THSD4: variants seen among roughly 807,000 people sequenced by gnomAD.
THSD4 encodes the protein thrombospondin type 1 domain containing 4.
THSD4 carries 69 observed loss-of-function variants against 119.0 expected under a neutral mutation model. The observed-to-expected ratio is 0.58, with a 90% CI of 0.48 to 0.71. THSD4 has a LOEUF of 0.71. Ranked by LOEUF, THSD4 falls within the 30% of genes least tolerant of loss-of-function variation. The pLI, the probability that THSD4 is intolerant of heterozygous loss-of-function variation, is 0.00. For synonymous variants in THSD4, 524 were observed against 540.4 expected (o/e 0.97, Z 0.42); for missense variants, 1,393 against 1,391.1 (o/e 1.00, Z -0.02).
chr15:71,611,827 A>C (rs1161226029), intron 7 of THSD4, among the ~76,000 whole-genome samples: 2 of 152,220 alleles, frequency 1.3e-5, no homozygotes, highest in African/African-American at 4.8e-5. Context: ...GACAGGATTA[A>C]GGAACAGAGA....
At chr15:71,199,721 GT>G (rs2043769081) in intron 3 of THSD4, among the ~76,000 whole-genome samples, 1 of 149,626 alleles carries the variant, frequency 6.7e-6, no homozygotes, top group Non-Finnish European at 1.5e-5. Flanking sequence ...TGTGGTGTGT[GT>G]GTGTAGTGTG....
rs199762643 is a variant in THSD4, at chr15:71,523,446, CATT to C, written c.1152+111626_1152+111628del. 1.2e-4 allele frequency among the ~76,000 whole-genome samples: 19 copies of C among 152,342 alleles called. No homozygotes were observed. The East Asian group carries it at 3.5e-3, about 28-fold the overall frequency. On this transcript the variant is annotated intron_variant, in intron 7 of 17. Transcript: ENST00000261862. Reference sequence around the variant, plus strand: ...CCACCTGGACAATCCAGGATGACCTCATTATGAGATCCTTAGTCACATCTGCAA... The same window carrying C: ...CCACCTGGACAATCCAGGATGACCTCATGAGATCCTTAGTCACATCTGCAA...
intron 3 of THSD4, among the ~76,000 whole-genome samples, chr15:71,195,855 T>C (rs375988986): frequency 3.9e-5 from 6 of 152,182 alleles, no homozygotes; most frequent in African/African-American, 1.4e-4. Context: ...CAATGTGATA[T>C]CTGTCATATT....
chr15:71,437,953 C>T (rs1277263083), intron 7 of THSD4, among the ~76,000 whole-genome samples: 1 of 152,202 alleles, frequency 6.6e-6, no homozygotes, highest in Non-Finnish European at 1.5e-5. Context: ...TGAGCTCAAG[C>T]ATCTTTTCAC....
At chr15:71,555,842 A>G (rs937012560) in intron 7 of THSD4, among the ~76,000 whole-genome samples, 1 of 152,152 alleles carries the variant, frequency 6.6e-6, no homozygotes, top group African/African-American at 2.4e-5. Context: ...ATTTTTCATT[A>G]AGGGATCTAA....
chr15:71,262,971 T>C (rs2044418541), intron 6 of THSD4, among the ~76,000 whole-genome samples: 1 of 152,130 alleles, frequency 6.6e-6, no homozygotes. Flanking sequence ...CTAACTTTTA[T>C]TTTAAGTTCA....
intron 8 of THSD4, among the ~76,000 whole-genome samples, chr15:71,684,570 CGTTA>C (rs991119660): frequency 1.3e-5 from 2 of 150,652 alleles, no homozygotes; most frequent in African/African-American, 4.9e-5. Context: ...CACCTACTTA[CGTTA>C]TTTTTTCTTT....
intron 5 of THSD4, among the ~76,000 whole-genome samples, chr15:71,253,181 C>A (rs568995149): frequency 5.6e-4 from 86 of 152,318 alleles, no homozygotes; most frequent in African/African-American, 2.1e-3. Context: ...TTAAGCTTTT[C>A]TGCCTTAGAT....
intron 6 of THSD4, among the ~76,000 whole-genome samples, chr15:71,371,777 G>T (rs1219620696): frequency 6.6e-6 from 1 of 152,096 alleles, no homozygotes; most frequent in Non-Finnish European, 1.5e-5. Context: ...TCTTCTCGAG[G>T]AGTATCTTTG....
chr15:71,174,912 C>A (rs921711000), intron 3 of THSD4, among the ~76,000 whole-genome samples: 2 of 151,266 alleles, frequency 1.3e-5, no homozygotes, highest in African/African-American at 4.8e-5. Context: ...TCCAACAGAC[C>A]TGCAGCTGAG....
chr15:71,679,006 T>C (rs1288913304), intron 8 of THSD4, among the ~76,000 whole-genome samples: 1 of 152,214 alleles, frequency 6.6e-6, no homozygotes, highest in Non-Finnish European at 1.5e-5. Flanking sequence ...TTTTCTTTCT[T>C]TGATTAAAGA....
chr15:71,271,645 A>G (rs970934338), intron 6 of THSD4, among the ~76,000 whole-genome samples: 1 of 152,184 alleles, frequency 6.6e-6, no homozygotes, highest in Non-Finnish European at 1.5e-5. Flanking sequence ...TTAAAACCTT[A>G]TGATTCTCTT....
intron 7 of THSD4, among the ~76,000 whole-genome samples, chr15:71,618,355 A>G (rs923623373): frequency 3.3e-5 from 5 of 152,248 alleles, no homozygotes; most frequent in Non-Finnish European, 4.4e-5. Context: ...ACACTTTAAC[A>G]GCAGTTAAAA....
intron 7 of THSD4, among the ~76,000 whole-genome samples, chr15:71,621,787 T>G (rs2050422924): frequency 6.6e-6 from 1 of 152,254 alleles, no homozygotes; most frequent in Non-Finnish European, 1.5e-5. Flanking sequence ...GTGCTCTAGA[T>G]AAATGGAACT....
chr15:71,396,263 G>C (rs78658947), intron 6 of THSD4, among the ~76,000 whole-genome samples: 2,726 of 151,162 alleles, frequency 0.018, 39 homozygotes, highest in South Asian at 0.047. Context: ...ATACACATAT[G>C]CATGTACACA....
At chr15:71,235,978 G>A (rs944464122) in intron 4 of THSD4, among the ~76,000 whole-genome samples, 3 of 152,154 alleles carry the variant, frequency 2.0e-5, no homozygotes, top group African/African-American at 7.2e-5. Context: ...GGGGTGGTCA[G>A]CCTCATTGCC....
intron 6 of THSD4, among the ~76,000 whole-genome samples, chr15:71,355,052 T>G (rs1198532091): frequency 1.3e-5 from 2 of 152,210 alleles, no homozygotes; most frequent in Non-Finnish European, 2.9e-5. Flanking sequence ...TACAAATGTT[T>G]CGTAAAACAA....
chr15:71,603,521 T>C (rs555353087), intron 7 of THSD4, among the ~76,000 whole-genome samples: 13 of 152,226 alleles, frequency 8.5e-5, no homozygotes, highest in Middle Eastern at 3.4e-3. Context: ...AAGTTTTGAG[T>C]GGAAGGTTAC....
chr15:71,406,796 C>T (rs1186243332), intron 6 of THSD4, among the ~76,000 whole-genome samples: 1 of 152,050 alleles, frequency 6.6e-6, no homozygotes, highest in Non-Finnish European at 1.5e-5. Flanking sequence ...TCTCTTGCCT[C>T]AGCCTCCCAA....
Sources: allele counts gnomAD v4.1 joint callset (sites outside exome capture counted in the v4.1 genomes callset), GRCh38; gene constraint gnomAD v4.1.1; transcripts MANE v1.5; gene names NCBI Gene and HGNC (gene_info 2026-07-23, HGNC 2026-07-21).